CNTN5: variants seen among roughly 807,000 people sequenced by gnomAD.
The protein encoded by CNTN5 is contactin-5.
Under a neutral mutation model 129.1 loss-of-function variants are expected in CNTN5, and 77 were observed. The ratio of observed to expected loss-of-function variants is 0.60; its 90% CI spans 0.50 to 0.72. CNTN5 has a LOEUF of 0.72. Among genes scored for constraint, CNTN5 ranks in the 30% least tolerant of loss-of-function variants. The pLI is 0.00. For missense variants in CNTN5, 1,478 were observed against 1,328.8 expected (o/e 1.11, Z -1.75); for synonymous variants, 509 against 465.6 (o/e 1.09, Z -1.20).
intron 13 of CNTN5, among the ~76,000 whole-genome samples, chr11:100,135,600 A>C (rs896231391): frequency 6.6e-5 from 10 of 152,182 alleles, no homozygotes; most frequent in African/African-American, 9.6e-5. Context: ...AATAGTCTTA[A>C]ATAAGCAATA....
rs1005524914 is a variant in CNTN5, at chr11:99,818,556, A to G, written c.56-988A>G. The stretch of plus-strand genomic sequence containing the variant: ...AAGGCATGAGCCGACGTGCCTGGCC[A>G]CAAACTGCCAGAGTCTTAGAAGTAT... On this transcript the variant is annotated intron_variant, in intron 3 of 24. Coordinates refer to ENST00000524871, the MANE Select transcript of CNTN5 (RefSeq NM_014361.4). 8.7e-5 allele frequency among the ~76,000 whole-genome samples: 13 copies of G among 148,994 alleles called. No individual in the cohort carries two copies. In the East Asian group the frequency reaches 3.0e-3, roughly 35 times the overall value.
At chr11:99,988,764 T>C (rs1938857417) in intron 8 of CNTN5, among the ~76,000 whole-genome samples, 1 of 152,160 alleles carries the variant, frequency 6.6e-6, no homozygotes, top group South Asian at 2.1e-4. Context: ...AGCTATTACA[T>C]GTAGCTTTTC....
At chr11:100,047,932 C>A (rs2137720396) in intron 9 of CNTN5, among the ~76,000 whole-genome samples, 1 of 152,184 alleles carries the variant, frequency 6.6e-6, no homozygotes, top group East Asian at 1.9e-4. Flanking sequence ...GAGATGGAGA[C>A]CATCCTGGCT....
chr11:100,001,629 A>T lies in CNTN5; in HGVS notation c.878-405A>T, dbSNP rs115227505. The stretch of plus-strand genomic sequence containing the variant: ...TTGTTACTCCCACAATATTTGGCAA[A>T]ATGCCGTGCATATTATAGATATTCA... On this transcript the variant is annotated intron_variant, in intron 8 of 24. Coordinates refer to ENST00000524871, the MANE Select transcript of CNTN5 (RefSeq NM_014361.4). Among the ~76,000 whole-genome samples, 890 of 152,300 alleles carry T rather than the reference A, an allele frequency of 5.8e-3. 7 individuals carry two copies. Among genetic ancestry groups the T allele is most frequent in the African/African-American group, 0.018 (763 of 41,556 alleles).
At chr11:100,157,267 T>TATAGATTACGTTTTAGAAATAAG (rs1430620193) in intron 13 of CNTN5, among the ~76,000 whole-genome samples, 4 of 151,924 alleles carry the variant, frequency 2.6e-5, no homozygotes, top group Non-Finnish European at 2.9e-5. Context: ...GAGGAAAACA[T>TATAGATTACGTTTTAGAAATAAG]ATAGATTACG....
intron 1 of CNTN5, among the ~76,000 whole-genome samples, chr11:99,153,674 T>C (rs1015737121): frequency 9.2e-5 from 14 of 152,160 alleles, no homozygotes; most frequent in Non-Finnish European, 2.1e-4. Context: ...GAACCATTGC[T>C]ATTTCTGGGG....
intron 2 of CNTN5, among the ~76,000 whole-genome samples, chr11:99,367,806 A>T (rs1479575119): frequency 2.0e-5 from 3 of 152,120 alleles, no homozygotes; most frequent in Admixed American, 6.6e-5. Context: ...AATTAAGAAC[A>T]CCAGTACCTA....
At chr11:100,048,272 A>G (rs1017555149) in intron 9 of CNTN5, among the ~76,000 whole-genome samples, 3 of 150,100 alleles carry the variant, frequency 2.0e-5, no homozygotes, top group African/African-American at 7.4e-5. Flanking sequence ...CAATTTCTCA[A>G]ACTTTCAACT....
At chr11:99,331,855 T>C (rs1401288409) in intron 2 of CNTN5, among the ~76,000 whole-genome samples, 2 of 152,162 alleles carry the variant, frequency 1.3e-5, no homozygotes, top group East Asian at 3.8e-4. Context: ...AAAGGAATAG[T>C]ATACCAGCTG....
intron 1 of CNTN5, among the ~76,000 whole-genome samples, chr11:99,241,596 A>C (rs1308098383): frequency 1.3e-5 from 2 of 152,042 alleles, no homozygotes; most frequent in Non-Finnish European, 2.9e-5. Context: ...AGACAGATTG[A>C]TAGATTTTTT....
At position 99,694,771 on chromosome 11, in the gene CNTN5, G is replaced by T. The variant is rs373596089; in HGVS notation, c.56-124773G>T. On this transcript the variant is annotated intron_variant, in intron 3 of 24. Coordinates refer to ENST00000524871, the MANE Select transcript of CNTN5 (RefSeq NM_014361.4). ...ACTTATATAAGAGTGAGAACATGCG[G>T]TGTTTGGTTTTCTGTTCCTGAGGTA... Among the ~76,000 whole-genome samples the T allele has an allele frequency of 4.4e-3, 673 of 152,082 alleles. 7 individuals carry two copies. Among genetic ancestry groups the T allele is most frequent in the African/African-American group, 0.014 (592 of 41,516 alleles).
At chr11:99,242,606 C>T (rs1242068925) in intron 1 of CNTN5, among the ~76,000 whole-genome samples, 15 of 151,952 alleles carry the variant, frequency 9.9e-5, no homozygotes, top group South Asian at 2.1e-4. Flanking sequence ...GCATAGTACA[C>T]GATAGTTTTT....
chr11:99,255,432 C>A (rs1466224569), intron 1 of CNTN5, among the ~76,000 whole-genome samples: 1 of 151,224 alleles, frequency 6.6e-6, no homozygotes, highest in East Asian at 1.9e-4. Context: ...AAAGCTTTTA[C>A]CAACGTAAAT....
chr11:99,061,991 C>CAA (rs34784983), intron 1 of CNTN5, among the ~76,000 whole-genome samples: 7 of 142,918 alleles, frequency 4.9e-5, no homozygotes, highest in Admixed American at 7.0e-5. Context: ...GATCCTGTCT[C>CAA]AAAAAAAAAA....
At chr11:99,955,500 T>G (rs1362094777) in intron 7 of CNTN5, among the ~76,000 whole-genome samples, 3 of 152,232 alleles carry the variant, frequency 2.0e-5, no homozygotes, top group Non-Finnish European at 2.9e-5. Flanking sequence ...ATCTGTATAT[T>G]GTAATTATGC....
intron 13 of CNTN5, among the ~76,000 whole-genome samples, chr11:100,111,727 G>A (rs1487883419): frequency 6.6e-6 from 1 of 152,078 alleles, no homozygotes. Context: ...CAGTATTGTA[G>A]AGAAGATCTC....
At chr11:99,968,039 G>C (rs1951142034) in intron 8 of CNTN5, among the ~76,000 whole-genome samples, 1 of 152,142 alleles carries the variant, frequency 6.6e-6, no homozygotes, top group South Asian at 2.1e-4. Context: ...ATTAAGCAAA[G>C]ATATAGCAAA....
intron 7 of CNTN5, among the ~76,000 whole-genome samples, chr11:99,951,268 TA>T (rs35112318): frequency 0.013 from 1,939 of 144,338 alleles, 42 homozygotes; most frequent in African/African-American, 0.046. Flanking sequence ...AAGAACTAGG[TA>T]AAAAAAAAAA....
intron 2 of CNTN5, among the ~76,000 whole-genome samples, chr11:99,339,623 T>C (rs10750259): frequency 0.22 from 32,871 of 151,556 alleles, 3,655 homozygotes; most frequent in African/African-American, 0.29. Context: ...ACTAAAAAAA[T>C]ACAAAAAAAT....
Sources: gnomAD v4.1 joint callset for allele counts (sites outside exome capture counted in the v4.1 genomes callset) on GRCh38, gnomAD v4.1.1 for gene constraint, MANE v1.5 for transcripts, NCBI Gene and HGNC (gene_info 2026-07-23, HGNC 2026-07-21) for gene names.